TRHDE: variants seen among roughly 807,000 people sequenced by gnomAD.
The protein encoded by TRHDE is thyrotropin releasing hormone degrading enzyme.
Under a neutral mutation model 125.7 loss-of-function variants are expected in TRHDE, and 72 were observed. That is an observed-to-expected ratio of 0.57 (90% CI 0.47 to 0.70). TRHDE has a LOEUF of 0.70. Ranked by LOEUF, TRHDE falls within the 30% of genes least tolerant of loss-of-function variation. The probability of loss-of-function intolerance (pLI) is 0.00; values close to 1 mark genes in which losing one functional copy is unlikely to be tolerated. For synonymous variants in TRHDE, 509 were observed against 509.1 expected, an observed-to-expected ratio of 1.00 and a Z score of 0.00; for missense variants, 1,110 against 1,327.1, an observed-to-expected ratio of 0.84 and a Z score of 2.54.
At chr12:72,181,669 T>C (rs1299587083) in intron 2 of TRHDE, among the ~76,000 whole-genome samples, 3 of 152,190 alleles carry the variant, frequency 2.0e-5, no homozygotes, top group African/African-American at 7.2e-5. Flanking sequence ...ATTTGAAGCA[T>C]GATTTTCATT....
intron 3 of TRHDE, among the ~76,000 whole-genome samples, chr12:72,417,125 C>G (rs1873764234): frequency 6.6e-6 from 1 of 151,868 alleles, no homozygotes; most frequent in Admixed American, 6.6e-5. Context: ...TTATTTGTAG[C>G]TACTTTAAAT....
intron 6 of TRHDE, among the ~76,000 whole-genome samples, chr12:72,538,433 C>T (rs1432584412): frequency 2.0e-5 from 3 of 152,004 alleles, no homozygotes; most frequent in East Asian, 3.9e-4. Flanking sequence ...ATTTGTTGAG[C>T]GCCTGTTACA....
At chr12:72,256,060 G>A (rs1878807719) in intron 2 of TRHDE, 1 of 151,998 alleles carries the variant, frequency 6.6e-6, no homozygotes, top group Non-Finnish European at 1.5e-5. Context: ...CTACCGGAAG[G>A]ACTTTTCTAA....
chr12:72,456,299 C>T (rs926622111), intron 3 of TRHDE, among the ~76,000 whole-genome samples: 1 of 151,918 alleles, frequency 6.6e-6, no homozygotes, highest in South Asian at 2.1e-4. Flanking sequence ...GGTTCCATCC[C>T]CATCCAGGAC....
At chr12:72,604,777 G>A (rs1023780708) in intron 12 of TRHDE, among the ~76,000 whole-genome samples, 3 of 152,072 alleles carry the variant, frequency 2.0e-5, no homozygotes, top group South Asian at 2.1e-4. Context: ...CTTCTTACAA[G>A]TGTTAATGAG....
rs1875208145 is a variant in TRHDE, at chr12:72,669,881, C to A, written c.*6686C>A. 1 of 151,466 alleles carries A rather than the reference C, an allele frequency of 6.6e-6. No homozygotes were observed. The highest frequency in any genetic ancestry group is 2.4e-5 in the African/African-American group (1 of 41,294). 9.4% of individuals were successfully genotyped at this position (151,466 alleles called of 1,614,324 possible). ...TCATTTTTCATTGCTATCTTTTAATCCCTTTGCATTTTGATAATATCGAAA... is the reference window on the plus strand; with the variant it reads ...TCATTTTTCATTGCTATCTTTTAATACCTTTGCATTTTGATAATATCGAAA... On this transcript the variant is annotated 3_prime_UTR_variant, in exon 19 of 19. Transcript: ENST00000261180.
intron 12 of TRHDE, among the ~76,000 whole-genome samples, chr12:72,603,765 C>A (rs57377035): frequency 0.32 from 48,157 of 151,356 alleles, 9,458 homozygotes; most frequent in African/African-American, 0.54. Flanking sequence ...ACAACAACAA[C>A]AAAAAAACAA....
In TRHDE at chr12:72,368,600, G is replaced by A. The variant is rs1463469331; in HGVS notation, c.1189-9395G>A. ...CCATGTTATTGTGTCTCCCCCAGTG[G>A]ACTACAAGCTTCTTGAAAGAAGGGA... On this transcript the variant is annotated intron_variant, in intron 2 of 18. Transcript: ENST00000261180. Among the ~76,000 whole-genome samples, 7 of 152,032 alleles carry A rather than the reference G, an allele frequency of 4.6e-5. No individual in the cohort carries two copies. In the East Asian group the frequency reaches 1.4e-3, roughly 29 times the overall value.
At chr12:72,532,877 T>G (rs2135976857) in intron 6 of TRHDE, among the ~76,000 whole-genome samples, 1 of 151,450 alleles carries the variant, frequency 6.6e-6, no homozygotes, top group African/African-American at 2.4e-5. Flanking sequence ...CCATCAATTA[T>G]GTATATATTT....
chr12:72,458,559 T>C (rs1470755601), intron 3 of TRHDE, among the ~76,000 whole-genome samples: 4 of 152,116 alleles, frequency 2.6e-5, no homozygotes, highest in African/African-American at 7.2e-5. Context: ...CTTAAATCTT[T>C]TCCCCGACCC....
chr12:72,365,595 G>T (rs189284442), intron 2 of TRHDE, among the ~76,000 whole-genome samples: 151 of 152,116 alleles, frequency 9.9e-4, no homozygotes, highest in African/African-American at 3.5e-3. Context: ...GAGTGATACA[G>T]GTGCACCAAA....
At position 72,439,113 on chromosome 12, in the gene TRHDE, C is replaced by G. The variant is rs577445210; in HGVS notation, c.1316-30645C>G. Among the ~76,000 whole-genome samples, 10 of 151,740 alleles carry G rather than the reference C, an allele frequency of 6.6e-5. No homozygotes were observed. The South Asian group carries it at 2.1e-3, about 32-fold the overall frequency. On this transcript the variant is annotated intron_variant, in intron 3 of 18. Transcript: ENST00000261180. ...GTTGAATGTCAGTTGGCTCTGGATG[C>G]ATGCATTTATTTCTGGGCTCTCTCT...
chr12:72,431,467 T>A (rs1874474746), intron 3 of TRHDE, among the ~76,000 whole-genome samples: 1 of 152,190 alleles, frequency 6.6e-6, no homozygotes, highest in Admixed American at 6.5e-5. Flanking sequence ...TGACTTACAT[T>A]AATGCTTTAT....
At chr12:72,164,489 C>T (rs1876702745) in intron 2 of TRHDE, among the ~76,000 whole-genome samples, 1 of 152,114 alleles carries the variant, frequency 6.6e-6, no homozygotes, top group Non-Finnish European at 1.5e-5. Flanking sequence ...GGGAGAGAGT[C>T]CAGTGGTGGT....
chr12:72,494,990 AT>A (rs543221058), intron 5 of TRHDE, among the ~76,000 whole-genome samples: 7 of 131,888 alleles, frequency 5.3e-5, no homozygotes, highest in East Asian at 2.3e-4. Context: ...CTAAAACTGG[AT>A]TTTTTTTAGC....
intron 15 of TRHDE, among the ~76,000 whole-genome samples, chr12:72,640,741 G>C (rs1403897580): frequency 6.6e-6 from 1 of 152,104 alleles, no homozygotes; most frequent in African/African-American, 2.4e-5. Context: ...TGGCCATCTT[G>C]GCTCCTCTCC....
rs151318749 is a variant in TRHDE, at chr12:72,093,766, G to A, written n.174+6327G>A. ...TAGTTGTCTATCTGTCTTCTCTTGC[G>A]TCTTGTTGAGCTTCTTTAAGATGCT... On this transcript the variant is annotated intron_variant and non_coding_transcript_variant, in intron 1 of 4. Coordinates refer to the TRHDE transcript ENST00000548156. Among the ~76,000 whole-genome samples the A allele has an allele frequency of 5.8e-3, 886 of 152,180 alleles. 6 individuals are homozygous for A. The highest frequency in any genetic ancestry group is 0.014 in the African/African-American group (570 of 41,506).
intron 10 of TRHDE, among the ~76,000 whole-genome samples, chr12:72,571,957 G>C (rs989262470): frequency 2.6e-5 from 3 of 116,212 alleles, no homozygotes; most frequent in Non-Finnish European, 5.7e-5. Context: ...GCTTCCTACC[G>C]TTCCCCTGAC....
At chr12:72,557,197 T>G (rs940915703) in intron 7 of TRHDE, among the ~76,000 whole-genome samples, 5 of 152,174 alleles carry the variant, frequency 3.3e-5, no homozygotes, top group Middle Eastern at 3.2e-3. Context: ...GAGGGGAAGT[T>G]TTCCTGATTC....
Sources: gnomAD v4.1 joint callset for allele counts (sites outside exome capture counted in the v4.1 genomes callset) on GRCh38, gnomAD v4.1.1 for gene constraint, MANE v1.5 for transcripts, NCBI Gene and HGNC (gene_info 2026-07-23, HGNC 2026-07-21) for gene names.